DPP10: variants seen among roughly 807,000 people sequenced by gnomAD.
DPP10 encodes inactive dipeptidyl peptidase 10.
A neutral mutation model predicts 120.9 loss-of-function variants in DPP10; 33 were observed. The ratio of observed to expected loss-of-function variants is 0.27; its 90% confidence interval spans 0.21 to 0.37. The LOEUF is 0.37. DPP10 is among the 10% of genes least tolerant of loss of function. The probability of loss-of-function intolerance (pLI) is 1.00; values close to 1 mark genes in which losing one functional copy is unlikely to be tolerated. For synonymous variants in DPP10, 337 were observed against 326.1 expected, an observed-to-expected ratio of 1.03 and a Z score of -0.36; for missense variants, 816 against 942.8, an observed-to-expected ratio of 0.87 and a Z score of 1.76.
chr2:115,437,259 A>G (rs1253892064), intron 3 of DPP10, among the ~76,000 whole-genome samples: 1 of 152,086 alleles, frequency 6.6e-6, no homozygotes, highest in Non-Finnish European at 1.5e-5. Context: ...TGGATAGCTC[A>G]AGGGGCAACC....
rs150832614 is a variant in DPP10, at chr2:114,752,025, C to T, written c.60+309187C>T. ...CCAGACCACAGCATGTGCAGCATGG[C>T]CCCAGTTACTAGTTCCTACCCCCAG... On this transcript the variant is annotated intron_variant, in intron 1 of 25. Transcript: ENST00000410059. Among the ~76,000 whole-genome samples the T allele has an allele frequency of 2.6e-5, 4 of 152,304 alleles. No individual in the cohort carries two copies. In the East Asian group the frequency reaches 7.7e-4, roughly 29 times the overall value.
At chr2:115,637,371 G>A (rs887026545) in intron 5 of DPP10, among the ~76,000 whole-genome samples, 2 of 152,058 alleles carry the variant, frequency 1.3e-5, no homozygotes, top group Non-Finnish European at 1.5e-5. Flanking sequence ...TAAGTTAATT[G>A]TTTTTAAATT....
intron 1 of DPP10, among the ~76,000 whole-genome samples, chr2:114,755,951 T>TA (rs57668109): frequency 0.52 from 67,679 of 129,618 alleles, 16,509 homozygotes; most frequent in South Asian, 0.64. Context: ...AGGAAGAAAT[T>TA]AAAAAAAAAA....
chr2:115,267,110 T>C (rs182371805), intron 1 of DPP10, among the ~76,000 whole-genome samples: 50 of 152,270 alleles, frequency 3.3e-4, no homozygotes, highest in Admixed American at 3.3e-3. Flanking sequence ...TCTAGAAAGA[T>C]GCTAATGATT....
intron 1 of DPP10, among the ~76,000 whole-genome samples, chr2:115,299,737 C>A (rs912537404): frequency 6.6e-5 from 10 of 151,968 alleles, no homozygotes; most frequent in Admixed American, 2.0e-4. Flanking sequence ...ACACATTATT[C>A]ATTAGCACAG....
At chr2:115,471,306 A>G (rs930833108) in intron 3 of DPP10, among the ~76,000 whole-genome samples, 6 of 152,172 alleles carry the variant, frequency 3.9e-5, no homozygotes, top group African/African-American at 1.2e-4. Context: ...CAGCCTTTGT[A>G]TCAGTGTTTC....
chr2:114,567,145 T>G (rs1037171125), intron 1 of DPP10, among the ~76,000 whole-genome samples: 4 of 152,180 alleles, frequency 2.6e-5, no homozygotes, highest in Non-Finnish European at 1.5e-5. Flanking sequence ...ATAGGAACTA[T>G]TCTTAGTATT....
chr2:115,820,685 T>C lies in DPP10; in HGVS notation c.1950+4956T>C, dbSNP rs13411790. On this transcript the variant is annotated intron_variant, in intron 21 of 25. Coordinates refer to ENST00000410059, the MANE Select transcript of DPP10 (RefSeq NM_020868.6). ...CTTATGAGTGAGAATATATTATGTT[T>C]GGTTTTCCATTCCTGAGTTACTCCA... Among the ~76,000 whole-genome samples the C allele has an allele frequency of 4.6e-3, 700 of 152,288 alleles. 5 individuals carry two copies. The highest frequency in any genetic ancestry group is 0.016 in the African/African-American group (678 of 41,562).
At chr2:115,247,850 T>C (rs1454078667) in intron 1 of DPP10, among the ~76,000 whole-genome samples, 1 of 152,160 alleles carries the variant, frequency 6.6e-6, no homozygotes, top group Non-Finnish European at 1.5e-5. Flanking sequence ...ACCAATATAC[T>C]GTTTTGTTTT....
chr2:115,202,194 G>GAGCACCTCCTAGAATTACAGCCTC (rs1457094556), intron 1 of DPP10, among the ~76,000 whole-genome samples: 9 of 152,030 alleles, frequency 5.9e-5, no homozygotes, highest in African/African-American at 2.2e-4. Flanking sequence ...CTCCTAAAGT[G>GAGCACCTCCTAGAATTACAGCCTC]CTAGAATTAC....
chr2:115,459,521 A>G (rs2073852112), intron 3 of DPP10, among the ~76,000 whole-genome samples: 1 of 152,080 alleles, frequency 6.6e-6, no homozygotes, highest in Non-Finnish European at 1.5e-5. Flanking sequence ...TTTGATTACC[A>G]TGGCTATAAT....
intron 2 of DPP10, among the ~76,000 whole-genome samples, chr2:115,326,162 G>A (rs565181138): frequency 6.6e-6 from 1 of 152,198 alleles, no homozygotes; most frequent in South Asian, 2.1e-4. Context: ...CCAAATGTCA[G>A]TGGAGTTTAT....
At chr2:115,045,954 C>T (rs1243800753) in intron 1 of DPP10, among the ~76,000 whole-genome samples, 2 of 151,968 alleles carry the variant, frequency 1.3e-5, no homozygotes, top group African/African-American at 4.8e-5. Flanking sequence ...TTTTCTCAAA[C>T]TTGTGTTTGC....
intron 1 of DPP10, among the ~76,000 whole-genome samples, chr2:114,503,017 T>C (rs1573509679): frequency 6.6e-6 from 1 of 152,142 alleles, no homozygotes; most frequent in East Asian, 1.9e-4. Context: ...ATGTGTGAAG[T>C]ATAAAGGGCC....
intron 1 of DPP10, among the ~76,000 whole-genome samples, chr2:114,858,845 C>A (rs1244212542): frequency 1.3e-5 from 2 of 152,074 alleles, no homozygotes; most frequent in Non-Finnish European, 2.9e-5. Context: ...AATTTGGAAT[C>A]CTGCGCAAGA....
At chr2:115,020,936 A>G (rs1305192007) in intron 1 of DPP10, among the ~76,000 whole-genome samples, 3 of 152,088 alleles carry the variant, frequency 2.0e-5, no homozygotes, top group Non-Finnish European at 4.4e-5. Flanking sequence ...TCCACAATAA[A>G]ATCCAGATGA....
chr2:114,559,904 A>C (rs1688627169), intron 1 of DPP10, among the ~76,000 whole-genome samples: 1 of 151,724 alleles, frequency 6.6e-6, no homozygotes, highest in South Asian at 2.1e-4. Flanking sequence ...AAAAAAAAAA[A>C]AAAAAAAACA....
At chr2:115,814,619 C>A (rs1469251957) in intron 19 of DPP10, 174 bp from the exon 20 acceptor site, 2 of 447,938 alleles carry the variant, frequency 4.5e-6, no homozygotes, top group Non-Finnish European at 3.7e-6. Context: ...AAGGAAAATA[C>A]AATTTTACGA....
chr2:115,825,837 C>T (rs62156342), intron 21 of DPP10, among the ~76,000 whole-genome samples: 6,209 of 152,182 alleles, frequency 0.041, 192 homozygotes, highest in Middle Eastern at 0.088. Flanking sequence ...GCTTTATTTG[C>T]AATTCTAGAA....
Sources: allele counts gnomAD v4.1 joint callset (sites outside exome capture counted in the v4.1 genomes callset), GRCh38; gene constraint gnomAD v4.1.1; transcripts MANE v1.5; gene names NCBI Gene and HGNC (gene_info 2026-07-23, HGNC 2026-07-21).